ZC3H7A: variants seen among roughly 807,000 people sequenced by gnomAD.
ZC3H7A encodes the protein zinc finger CCCH-type containing 7A.
In ZC3H7A, 44 loss-of-function variants were observed where a neutral mutation model predicts 125.5. The observed-to-expected ratio is 0.35, with a 90% confidence interval of 0.28 to 0.45. The LOEUF (loss-of-function observed/expected upper bound fraction) is 0.45. ZC3H7A is among the 20% of genes least tolerant of loss of function. The pLI is 1.00. For synonymous variants in ZC3H7A, 399 were observed against 391.2 expected (o/e 1.02, Z -0.23); for missense variants, 977 against 1,170.7 (o/e 0.83, Z 2.41).
rs943840976 is a variant in ZC3H7A at position 11,768,464 on chromosome 16, A to C, written c.1211T>G (p.Phe404Cys). ...TCTAGGCTGACTTGAAATTCCCAGG[A>C]AATTCTCTGAAGCAAACAAACTACC... ...GPGSLFASEN[F>C]LGISSQPRND... Residue 404 changes from phenylalanine to cysteine, a missense_variant, in exon 12 of 23, where the codon TTC becomes TGC. Coordinates refer to ENST00000355758, the MANE Select transcript of ZC3H7A (RefSeq NM_014153.4). 2 of 1,515,688 alleles carry C rather than the reference A, an allele frequency of 1.3e-6. No individual in the cohort carries two copies. Among genetic ancestry groups the C allele is most frequent in the Admixed American group, 1.8e-5 (1 of 55,302 alleles). 93.9% of individuals were successfully genotyped at this position (1,515,688 alleles called of 1,614,324 possible). A position where few individuals can be genotyped will look rare whatever the true frequency, so the allele number is the denominator to read the frequency against.
At chr16:11,766,446 T>C (rs1336492834) in intron 13 of ZC3H7A, among the ~76,000 whole-genome samples, 1 of 152,204 alleles carries the variant, frequency 6.6e-6, no homozygotes, top group Non-Finnish European at 1.5e-5. Flanking sequence ...ACGCCTGTAA[T>C]TCCAGCTATT....
chr16:11,789,839 G>C (rs375523210), intron 1 of ZC3H7A, among the ~76,000 whole-genome samples: 7 of 152,082 alleles, frequency 4.6e-5, no homozygotes, highest in African/African-American at 1.7e-4. Flanking sequence ...CCAGCACTTT[G>C]GGAGGCCGAG....
At chr16:11,762,243 T>C (rs1230083420) in intron 17 of ZC3H7A, among the ~76,000 whole-genome samples, 200 bp from the exon 18 acceptor site, 1 of 152,154 alleles carries the variant, frequency 6.6e-6, no homozygotes, top group Non-Finnish European at 1.5e-5. Flanking sequence ...AAGTAGATGA[T>C]AGATGCCAAA....
intron 16 of ZC3H7A, 22 bp downstream of exon 16, chr16:11,763,456 T>C: frequency 6.3e-7 from 1 of 1,587,124 alleles, no homozygotes; most frequent in Non-Finnish European, 8.6e-7. Flanking sequence ...GAGACATACT[T>C]CTCAGTCGCA....
intron 1 of ZC3H7A, among the ~76,000 whole-genome samples, chr16:11,794,099 C>T (rs2053395790): frequency 6.6e-6 from 1 of 152,176 alleles, no homozygotes; most frequent in Non-Finnish European, 1.5e-5. Flanking sequence ...TATGGAAGAA[C>T]TCAACAGGAA....
intron 19 of ZC3H7A, chr16:11,759,200 G>A (rs2052701107): frequency 1.3e-5 from 2 of 152,192 alleles, no homozygotes. Context: ...ACTTCCCTAA[G>A]AATTATGAGC....
intron 1 of ZC3H7A, among the ~76,000 whole-genome samples, chr16:11,788,016 T>TA (rs1032548543): frequency 1.9e-4 from 29 of 152,108 alleles, no homozygotes; most frequent in Non-Finnish European, 3.4e-4. Flanking sequence ...CTCCTTTTTT[T>TA]AAAGAAAGAA....
intron 8 of ZC3H7A, 119 bp downstream of exon 8, chr16:11,774,861 T>C: frequency 8.3e-7 from 1 of 1,200,442 alleles, no homozygotes; most frequent in South Asian, 1.4e-5. Flanking sequence ...ACTTTCATAT[T>C]AATACATTAA....
At chr16:11,756,762 G>A (rs1213104228) in intron 20 of ZC3H7A, among the ~76,000 whole-genome samples, 2 of 152,150 alleles carry the variant, frequency 1.3e-5, no homozygotes, top group Non-Finnish European at 2.9e-5. Context: ...TACGTGGCTT[G>A]GGGGACTTGG....
intron 11 of ZC3H7A, 89 bp from the exon 12 acceptor site, chr16:11,768,590 T>C (rs1036390512): frequency 7.4e-5 from 88 of 1,182,714 alleles, no homozygotes; most frequent in Non-Finnish European, 9.6e-5. Flanking sequence ...ATCTGAAAAA[T>C]AAGATAATCT....
intron 20 of ZC3H7A, among the ~76,000 whole-genome samples, chr16:11,757,907 C>T (rs2052680872): frequency 6.6e-6 from 1 of 152,314 alleles, no homozygotes; most frequent in South Asian, 2.1e-4. Flanking sequence ...TGTAGTAAAA[C>T]ATTTTATGGT....
At chr16:11,762,089 A>G in intron 17 of ZC3H7A, 46 bp from the exon 18 acceptor site, 4 of 1,516,674 alleles carry the variant, frequency 2.6e-6, no homozygotes, top group Non-Finnish European at 3.5e-6. Context: ...ACAGAAAACC[A>G]GTTTTCTGAT....
At chr16:11,769,551 TA>T (rs1372274441) in intron 10 of ZC3H7A, among the ~76,000 whole-genome samples, 1 of 150,258 alleles carries the variant, frequency 6.7e-6, no homozygotes, top group Non-Finnish European at 1.5e-5. Context: ...CTACTGAAAA[TA>T]CAAAAAAAAT....
At chr16:11,783,444 T>C (rs902486207) in intron 1 of ZC3H7A, among the ~76,000 whole-genome samples, 1 of 151,944 alleles carries the variant, frequency 6.6e-6, no homozygotes, top group African/African-American at 2.4e-5. Flanking sequence ...CAAACTAGAG[T>C]TCCTCAGGCT....
At chr16:11,780,996 G>A (rs1249684321) in intron 3 of ZC3H7A, among the ~76,000 whole-genome samples, 2 of 151,986 alleles carry the variant, frequency 1.3e-5, no homozygotes, top group Non-Finnish European at 2.9e-5. Flanking sequence ...GACATGAGAA[G>A]TAATTTTCAA....
intron 21 of ZC3H7A, among the ~76,000 whole-genome samples, chr16:11,755,019 C>G (rs1011795049): frequency 1.3e-5 from 2 of 151,288 alleles, no homozygotes; most frequent in African/African-American, 4.9e-5. Flanking sequence ...ACCAGCCTGG[C>G]CAACATGGTG....
Position 11,752,770 on chromosome 16 carries a change from G to A in ZC3H7A, c.2625C>T (p.His875=). 2 of 1,614,170 alleles carry A rather than the reference G, an allele frequency of 1.2e-6. No homozygotes were observed. The highest frequency in any genetic ancestry group is 1.7e-6 in the Non-Finnish European group (2 of 1,180,036). Reference sequence around the variant, plus strand: ...TCTCTTTGTGCTTCTCGGAGGAGATGTGGCCCTGCCACTGCTTCTCACTGT... The same window carrying A: ...TCTCTTTGTGCTTCTCGGAGGAGATATGGCCCTGCCACTGCTTCTCACTGT... ...NCNSEKQWQG[H]ISSEKHKEKV... is the part of the protein sequence containing the mutation. Residue 875 remains histidine, a synonymous_variant, in exon 22 of 23, where the codon CAC becomes CAT. Coordinates refer to ENST00000355758, the MANE Select transcript of ZC3H7A (RefSeq NM_014153.4).
chr16:11,754,748 C>G (rs574969588), intron 21 of ZC3H7A, among the ~76,000 whole-genome samples: 1 of 151,362 alleles, frequency 6.6e-6, no homozygotes, highest in African/African-American at 2.4e-5. Context: ...AAAAATTAGC[C>G]GTGCGTGGTG....
At chr16:11,788,603 CT>C (rs1047339606) in intron 1 of ZC3H7A, among the ~76,000 whole-genome samples, 3 of 103,380 alleles carry the variant, frequency 2.9e-5, no homozygotes, top group Non-Finnish European at 6.9e-5. Context: ...ATATTGCTTT[CT>C]TTTTTTTCTT....
Sources: gnomAD v4.1 joint callset for allele counts (sites outside exome capture counted in the v4.1 genomes callset) on GRCh38, gnomAD v4.1.1 for gene constraint, MANE v1.5 for transcripts, NCBI Gene and HGNC (gene_info 2026-07-23, HGNC 2026-07-21) for gene names.